The following PIK3C2G variants were observed in gnomAD, a reference collection of about 807,000 sequenced individuals.
PIK3C2G encodes phosphatidylinositol-4-phosphate 3-kinase catalytic subunit type 2 gamma, also known as phosphatidylinositol 3-kinase C2 domain-containing subunit gamma.
In PIK3C2G, 168 loss-of-function variants were observed where a neutral mutation model predicts 181.1. That is an observed-to-expected ratio of 0.93 (90% CI 0.82 to 1.05). The LOEUF is 1.05. PIK3C2G is among the 50% of genes least tolerant of loss of function. The pLI is 0.00. For synonymous variants in PIK3C2G, 573 were observed against 592.2 expected, an observed-to-expected ratio of 0.97 and a Z score of 0.47; for missense variants, 1,869 against 1,732.8, an observed-to-expected ratio of 1.08 and a Z score of -1.40.
chr12:18,307,427 T>C (rs1343032178), intron 5 of PIK3C2G, among the ~76,000 whole-genome samples: 1 of 151,936 alleles, frequency 6.6e-6, no homozygotes, highest in East Asian at 1.9e-4. Context: ...ATTTAACAGC[T>C]GAAGTTTTAT....
chr12:18,488,156 G>A (rs1940233636), intron 18 of PIK3C2G, among the ~76,000 whole-genome samples: 1 of 152,104 alleles, frequency 6.6e-6, no homozygotes, highest in South Asian at 2.1e-4. Context: ...GCATGTTCTT[G>A]AGAAAAGTGT....
chr12:18,512,316 A>G (rs777479831), intron 24 of PIK3C2G, among the ~76,000 whole-genome samples: 3 of 151,660 alleles, frequency 2.0e-5, no homozygotes, highest in Non-Finnish European at 4.4e-5. Context: ...TGGTTCCATG[A>G]TAAGGATTGT....
intron 1 of PIK3C2G, among the ~76,000 whole-genome samples, chr12:18,262,000 G>A (rs879602047): frequency 2.0e-5 from 3 of 151,952 alleles, no homozygotes; most frequent in Non-Finnish European, 4.4e-5. Context: ...GCTTGTAGAC[G>A]GCATCCCCAT....
chr12:18,698,654 G>A, the PIK3C2G span, among the ~76,000 whole-genome samples: 2 of 151,830 alleles, frequency 1.3e-5, no homozygotes, highest in African/African-American at 4.8e-5. Flanking sequence ...TAATTTTTGT[G>A]GGTACATAGA....
intron 8 of PIK3C2G, among the ~76,000 whole-genome samples, chr12:18,336,143 A>T (rs1045928922): frequency 1.3e-5 from 2 of 152,184 alleles, no homozygotes; most frequent in African/African-American, 4.8e-5. Context: ...GAATAAAATT[A>T]ATTAGTTAAA....
chr12:18,534,586 G>A (rs900213217), intron 24 of PIK3C2G, among the ~76,000 whole-genome samples: 7 of 151,702 alleles, frequency 4.6e-5, no homozygotes, highest in African/African-American at 1.7e-4. Context: ...TGCATTCATC[G>A]CATGTAAGAG....
the PIK3C2G span, chr12:18,694,132 G>T: frequency 1.1e-6 from 1 of 885,598 alleles, no homozygotes. Context: ...AAATGGTTGG[G>T]TGATTTCTCA....
chr12:18,511,147 A>C (rs868397407), intron 24 of PIK3C2G, among the ~76,000 whole-genome samples: 1 of 152,094 alleles, frequency 6.6e-6, no homozygotes, highest in Non-Finnish European at 1.5e-5. Flanking sequence ...TGTTGTCATA[A>C]ATGACAGAAT....
At chr12:18,318,720 T>G (rs751605072) in intron 6 of PIK3C2G, among the ~76,000 whole-genome samples, 1 of 151,944 alleles carries the variant, frequency 6.6e-6, no homozygotes, top group African/African-American at 2.4e-5. Context: ...GATAATATTT[T>G]TATTTTAAAC....
At chr12:18,362,651 C>T in intron 11 of PIK3C2G, 113 bp from the exon 12 acceptor site, 1 of 717,978 alleles carries the variant, frequency 1.4e-6, no homozygotes. Flanking sequence ...ATGCTTTATG[C>T]AAGCAGTCAT....
intron 8 of PIK3C2G, among the ~76,000 whole-genome samples, chr12:18,332,255 C>T (rs1938049244): frequency 6.6e-6 from 1 of 152,146 alleles, no homozygotes. Flanking sequence ...ACAGCTCCTG[C>T]TTGTCTGTGC....
intron 29 of PIK3C2G, among the ~76,000 whole-genome samples, chr12:18,587,306 C>G (rs1332173723): frequency 6.6e-6 from 1 of 152,118 alleles, no homozygotes; most frequent in African/African-American, 2.4e-5. Context: ...ATCTCAAAAA[C>G]CCCATTGTCT....
At chr12:18,399,372 T>C (rs1477721687) in intron 15 of PIK3C2G, among the ~76,000 whole-genome samples, 1 of 149,426 alleles carries the variant, frequency 6.7e-6, no homozygotes, top group Non-Finnish European at 1.5e-5. Flanking sequence ...CCAACCAAAA[T>C]GACATATTAA....
chr12:18,581,331 A>G (rs1271211690), intron 29 of PIK3C2G, among the ~76,000 whole-genome samples: 1 of 151,422 alleles, frequency 6.6e-6, no homozygotes, highest in Non-Finnish European at 1.5e-5. Flanking sequence ...TGAAAAAAAT[A>G]CATACATAAA....
intron 18 of PIK3C2G, among the ~76,000 whole-genome samples, chr12:18,469,876 TGTC>T (rs1490889708): frequency 6.6e-6 from 1 of 151,286 alleles, no homozygotes; most frequent in Non-Finnish European, 1.5e-5. Flanking sequence ...GTTTAAAGCT[TGTC>T]AAGTGTGGTA....
intron 28 of PIK3C2G, among the ~76,000 whole-genome samples, chr12:18,565,759 A>G (rs1296633540): frequency 6.6e-6 from 1 of 152,198 alleles, no homozygotes; most frequent in Non-Finnish European, 1.5e-5. Flanking sequence ...GTTTTAGTAC[A>G]TATATCTATA....
At chr12:18,367,536 AT>A in intron 12 of PIK3C2G, among the ~76,000 whole-genome samples, 1 of 151,914 alleles carries the variant, frequency 6.6e-6, no homozygotes, top group Non-Finnish European at 1.5e-5. Context: ...AGACTGGGTA[AT>A]TTTTTATTTT....
intron 9 of PIK3C2G, 65 bp downstream of exon 9, chr12:18,338,613 G>A: frequency 8.8e-7 from 1 of 1,136,234 alleles, no homozygotes; most frequent in Non-Finnish European, 1.3e-6. Flanking sequence ...TAAGGAGAGT[G>A]AAAGACTTTT....
chr12:18,512,961 A>T (rs910280796), intron 24 of PIK3C2G, among the ~76,000 whole-genome samples: 15 of 151,902 alleles, frequency 9.9e-5, no homozygotes, highest in Non-Finnish European at 1.5e-4. Flanking sequence ...GTCCTGAGGT[A>T]CATATCCTTT....
Sources: gnomAD v4.1 joint callset for allele counts (sites outside exome capture counted in the v4.1 genomes callset) on GRCh38, gnomAD v4.1.1 for gene constraint, MANE v1.5 for transcripts, NCBI Gene and HGNC (gene_info 2026-07-23, HGNC 2026-07-21) for gene names.